The following RAPH1 variants were observed in gnomAD, a reference collection of about 807,000 sequenced individuals.
RAPH1 encodes ras-associated and pleckstrin homology domains-containing protein 1.
Under a neutral mutation model 88.1 loss-of-function variants are expected in RAPH1, and 18 were observed. The observed-to-expected ratio is 0.20, with a 90% confidence interval of 0.14 to 0.30. The LOEUF (loss-of-function observed/expected upper bound fraction) is 0.30, where lower values mean the gene tolerates loss of function less well. Among genes scored for constraint, RAPH1 ranks in the 10% least tolerant of loss-of-function variants. The probability of loss-of-function intolerance (pLI) is 1.00; values close to 1 mark genes in which losing one functional copy is unlikely to be tolerated. For missense variants in RAPH1, 1,448 were observed against 1,543.2 expected (o/e 0.94, Z 1.03); for synonymous variants, 587 against 559.0 (o/e 1.05, Z -0.71).
intron 4 of RAPH1, chr2:203,470,236 C>T: frequency 6.2e-7 from 1 of 1,605,696 alleles, no homozygotes; most frequent in Non-Finnish European, 8.5e-7. Context: ...GAAGAAGTAT[C>T]ACCTTGGTCA....
chr2:203,528,386 A>G (rs1690221479), intron 1 of RAPH1, among the ~76,000 whole-genome samples: 1 of 152,240 alleles, frequency 6.6e-6, no homozygotes, highest in Non-Finnish European at 1.5e-5. Flanking sequence ...TTAAAACTTT[A>G]TAAATACAAA....
At chr2:203,475,534 T>G (rs1687383186) in intron 4 of RAPH1, among the ~76,000 whole-genome samples, 1 of 152,252 alleles carries the variant, frequency 6.6e-6, no homozygotes, top group Non-Finnish European at 1.5e-5. Flanking sequence ...GTCATTACAA[T>G]TATAAATAAT....
chr2:203,498,021 A>G (rs1217108628), intron 1 of RAPH1, among the ~76,000 whole-genome samples: 1 of 152,208 alleles, frequency 6.6e-6, no homozygotes, highest in Non-Finnish European at 1.5e-5. Context: ...GAAGGTTAAT[A>G]AGTAATATAA....
intron 1 of RAPH1, among the ~76,000 whole-genome samples, chr2:203,506,785 T>TATATCTAG (rs1559494336): frequency 8.0e-6 from 1 of 124,262 alleles, no homozygotes; most frequent in African/African-American, 3.4e-5. Context: ...TATATCTAGA[T>TATATCTAG]ATATATATCT....
At position 203,468,351 on chromosome 2, in the gene RAPH1, C is replaced by T. The variant is rs76243822; in HGVS notation, c.733-6426G>A. ...CACTCAACTAGGGTGACTGGCAAAACGGTCTTTTTTCAACCTCTCAAACAT... is the reference window on the plus strand; with the variant it reads ...CACTCAACTAGGGTGACTGGCAAAATGGTCTTTTTTCAACCTCTCAAACAT... On this transcript the variant is annotated intron_variant, in intron 4 of 13. Coordinates refer to ENST00000319170, the MANE Select transcript of RAPH1 (RefSeq NM_213589.3). 1.7e-3 allele frequency among the ~76,000 whole-genome samples: 257 copies of T among 152,228 alleles called. 1 individual carries two copies. Among genetic ancestry groups the T allele is most frequent in the African/African-American group, 5.2e-3 (218 of 41,556 alleles).
rs149227998 is a variant in RAPH1 at position 203,441,001 on chromosome 2, G to A, written c.2189C>T (p.Pro730Leu). 13 of 1,556,096 alleles carry A rather than the reference G, an allele frequency of 8.4e-6. No homozygotes were observed. Among genetic ancestry groups the A allele is most frequent in the Non-Finnish European group, 1.1e-5 (13 of 1,149,208 alleles). Reference sequence around the variant, plus strand: ...TGGAAGGGATGGGGCACACGGTGCAGGCTTTAGCTGGGCCATGGCAGAGCC... The same window carrying A: ...TGGAAGGGATGGGGCACACGGTGCAAGCTTTAGCTGGGCCATGGCAGAGCC... ...TPGSAMAQLK[P>L]APCAPSLPQF... Residue 730 changes from proline (P) to leucine (L), a missense_variant, in exon 14 of 14, where the codon CCT (proline) becomes CTT (leucine). Coordinates refer to ENST00000319170, the MANE Select transcript of RAPH1 (RefSeq NM_213589.3).
chr2:203,517,411 A>G (rs1222487331), intron 1 of RAPH1, among the ~76,000 whole-genome samples: 1 of 151,646 alleles, frequency 6.6e-6, no homozygotes, highest in Middle Eastern at 3.4e-3. Context: ...TGAATCCACT[A>G]TCATAGCTGG....
intron 1 of RAPH1, among the ~76,000 whole-genome samples, chr2:203,502,712 C>T (rs541921062): frequency 2.7e-5 from 4 of 150,686 alleles, no homozygotes; most frequent in East Asian, 2.0e-4. Flanking sequence ...CCTAGCTACT[C>T]GGGAGGCTGA....
chr2:203,445,796 T>G (rs1196090685), intron 12 of RAPH1: 1 of 152,126 alleles, frequency 6.6e-6, no homozygotes, highest in Non-Finnish European at 1.5e-5. Context: ...GGTTGTTGGT[T>G]GGTTTTTTTT....
In RAPH1 at chr2:203,434,053, T is replaced by TATC. The variant is rs1358384519; in HGVS notation, c.*5381_*5383dup. The stretch of plus-strand genomic sequence containing the variant: ...TATCTCTCTCATATATCTATCTATC[T>TATC]ATCTATATATATATATATATATATA... On this transcript the variant is annotated 3_prime_UTR_variant, in exon 14 of 14. Coordinates refer to ENST00000319170, the MANE Select transcript of RAPH1 (RefSeq NM_213589.3). The TATC allele has an allele frequency of 1.6e-5, 2 of 127,342 alleles. No homozygotes were observed. The highest frequency in any genetic ancestry group is 1.6e-4 in the Admixed American group (2 of 12,728). The allele number at this position is 127,342 out of a possible 1,614,324, so 7.9% of individuals were successfully genotyped here.
At position 203,438,055 on chromosome 2, in the gene RAPH1, G is replaced by T. The variant is rs779137271; in HGVS notation, c.*1382C>A. The T allele has an allele frequency of 3.4e-5, 16 of 476,468 alleles. No individual in the cohort carries two copies. Among genetic ancestry groups the T allele is most frequent in the Non-Finnish European group, 6.7e-5 (16 of 238,512 alleles). 29.5% of individuals were successfully genotyped at this position (476,468 alleles called of 1,614,324 possible). ...AAGTATAGTGTGTCGTTAGAGCACT[G>T]ACTCCACGTTATACCAAACTGCACA... On this transcript the variant is annotated 3_prime_UTR_variant, in exon 14 of 14. Transcript: ENST00000319170.
intron 1 of RAPH1, among the ~76,000 whole-genome samples, chr2:203,505,679 A>T (rs1026719788): frequency 2.6e-5 from 4 of 152,138 alleles, no homozygotes; most frequent in Non-Finnish European, 4.4e-5. Context: ...ATAAAAAACT[A>T]TAAAAACTGA....
Position 203,438,154 on chromosome 2 carries a change from TC to T in RAPH1, c.*1282del, listed in dbSNP as rs754254952. The T allele has an allele frequency of 1.9e-6, 1 of 518,846 alleles. No individual in the cohort carries two copies. Among genetic ancestry groups the T allele is most frequent in the Non-Finnish European group, 3.8e-6 (1 of 259,836 alleles). The allele number at this position is 518,846 out of a possible 1,614,324, so 32.1% of individuals were successfully genotyped here. On this transcript the variant is annotated 3_prime_UTR_variant, in exon 14 of 14. Coordinates refer to ENST00000319170, the MANE Select transcript of RAPH1 (RefSeq NM_213589.3). Reference sequence around the variant, plus strand: ...CAGAACACCTAGTAACCTGAACTAATCACAACCAGGCTGCAGTCAGCAAGGG... The same window carrying T: ...CAGAACACCTAGTAACCTGAACTAATACAACCAGGCTGCAGTCAGCAAGGG...
chr2:203,525,594 C>T (rs150077044), intron 1 of RAPH1, among the ~76,000 whole-genome samples: 3,901 of 152,038 alleles, frequency 0.026, 187 homozygotes, highest in African/African-American at 0.089. Flanking sequence ...CATGGTAAAA[C>T]CCCATCTCTA....
intron 7 of RAPH1, among the ~76,000 whole-genome samples, chr2:203,458,644 TA>T (rs2098521794): frequency 6.6e-6 from 1 of 152,256 alleles, no homozygotes; most frequent in Admixed American, 6.5e-5. Flanking sequence ...AAGCGTGGCA[TA>T]TTCAAGTTTT....
At chr2:203,467,794 G>A (rs2098529806) in intron 4 of RAPH1, among the ~76,000 whole-genome samples, 1 of 151,782 alleles carries the variant, frequency 6.6e-6, no homozygotes, top group South Asian at 2.1e-4. Context: ...GGGGGATAGG[G>A]TCTCACTCTG....
At chr2:203,520,545 T>C (rs1407576983) in intron 1 of RAPH1, among the ~76,000 whole-genome samples, 1 of 151,466 alleles carries the variant, frequency 6.6e-6, no homozygotes, top group Non-Finnish European at 1.5e-5. Flanking sequence ...GAGAATCGCC[T>C]GAACCCAGGA....
intron 1 of RAPH1, among the ~76,000 whole-genome samples, chr2:203,517,015 C>G (rs1689642670): frequency 6.7e-6 from 1 of 149,600 alleles, no homozygotes; most frequent in African/African-American, 2.5e-5. Flanking sequence ...GCCTGGGTGA[C>G]AGAGTGAAAG....
chr2:203,484,910 G>C (rs1380894754), intron 4 of RAPH1, among the ~76,000 whole-genome samples: 1 of 152,166 alleles, frequency 6.6e-6, no homozygotes, highest in East Asian at 1.9e-4. Flanking sequence ...ATCTTCTGAG[G>C]GAGTCCATAC....
Sources: allele counts gnomAD v4.1 joint callset (sites outside exome capture counted in the v4.1 genomes callset), GRCh38; gene constraint gnomAD v4.1.1; transcripts MANE v1.5; gene names NCBI Gene and HGNC (gene_info 2026-07-23, HGNC 2026-07-21).